ZFP1: variants seen among roughly 807,000 people sequenced by gnomAD.
The protein encoded by ZFP1 is zinc finger protein 1 homolog.
A neutral mutation model predicts 38.5 loss-of-function variants in ZFP1; 32 were observed. The ratio of observed to expected loss-of-function variants is 0.83; its 90% CI spans 0.63 to 1.12. The LOEUF (loss-of-function observed/expected upper bound fraction) is 1.12, where lower values mean the gene tolerates loss of function less well. Among genes scored for constraint, ZFP1 ranks in the 50% most tolerant of loss-of-function variants. The pLI is 0.00. For missense variants in ZFP1, 616 were observed against 480.8 expected (o/e 1.28, Z -2.63); for synonymous variants, 245 against 168.8 (o/e 1.45, Z -3.50).
chr16:75,129,002 C>G, the ZFP1 span, among the ~76,000 whole-genome samples: 8 of 152,058 alleles, frequency 5.3e-5, no homozygotes. Context: ...GTTGGTCAGG[C>G]TGGTCTCAAA....
At chr16:75,158,416 G>A (rs964334454) in intron 2 of ZFP1, among the ~76,000 whole-genome samples, 4 of 151,764 alleles carry the variant, frequency 2.6e-5, no homozygotes, top group African/African-American at 9.7e-5. Context: ...GAGTGAAGTG[G>A]TGTGATCTTG....
At chr16:75,142,762 G>C in the ZFP1 span, among the ~76,000 whole-genome samples, 4 of 152,156 alleles carry the variant, frequency 2.6e-5, no homozygotes, top group African/African-American at 9.7e-5. Context: ...GAGTGCAGTG[G>C]TGCGATCTCA....
At chr16:75,163,671 G>A (rs2037909021) in intron 2 of ZFP1, among the ~76,000 whole-genome samples, 1 of 151,588 alleles carries the variant, frequency 6.6e-6, no homozygotes. Flanking sequence ...AAGTGCAGTG[G>A]CATGATCACG....
chr16:75,161,479 A>G (rs758261554), intron 2 of ZFP1, among the ~76,000 whole-genome samples: 4 of 151,280 alleles, frequency 2.6e-5, no homozygotes, highest in Non-Finnish European at 5.9e-5. Context: ...CCCTACAGTG[A>G]TTGCTCTCCT....
chr16:75,169,747 G>A lies in ZFP1; in HGVS notation c.637G>A (p.Glu213Lys). 1.9e-6 allele frequency: 3 copies of A among 1,613,256 alleles called. No homozygotes were observed. Among genetic ancestry groups the A allele is most frequent in the Non-Finnish European group, 1.7e-6 (2 of 1,179,674 alleles). Residue 213 changes from glutamate (E) to lysine (K), a missense_variant, in exon 4 of 4, where the codon GAA (glutamate) becomes AAA (lysine). By Grantham distance (56) the Glu-to-Lys change is moderately conservative. Coordinates refer to ENST00000570010, the MANE Select transcript of ZFP1 (RefSeq NM_153688.4). Reference sequence around the variant, plus strand: ...AATACATACTGGAGAAAAGCCATATGAATGCAATGTATGTAAGAAAACCTT... The same window carrying A: ...AATACATACTGGAGAAAAGCCATATAAATGCAATGTATGTAAGAAAACCTT... Reference protein sequence around the residue: ...KRIHTGEKPYECNVCKKTFSH... With the variant: ...KRIHTGEKPYKCNVCKKTFSH...
intron 3 of ZFP1, among the ~76,000 whole-genome samples, chr16:75,167,754 T>C (rs1009696947): frequency 1.3e-5 from 2 of 150,304 alleles, no homozygotes; most frequent in African/African-American, 4.9e-5. Flanking sequence ...CACACCACCA[T>C]GTCCTGCTAA....
chr16:75,137,530 G>T, the ZFP1 span, among the ~76,000 whole-genome samples: 1 of 130,560 alleles, frequency 7.7e-6, no homozygotes, highest in Non-Finnish European at 1.5e-5. Context: ...GCGCGATCTT[G>T]GCTCACTGCA....
At chr16:75,151,179 C>CTT (rs113479963) in intron 1 of ZFP1, among the ~76,000 whole-genome samples, 59 of 145,896 alleles carry the variant, frequency 4.0e-4, no homozygotes, top group African/African-American at 1.4e-3. Flanking sequence ...ATTCTTTTAT[C>CTT]TTTTTTTTTT....
rs551480150 is a variant in ZFP1 at position 75,169,656 on chromosome 16, A to G, written c.546A>G (p.Gln182=). Reference sequence around the variant, plus strand: ...ATCAGAAAATAAAAAACTTGGTTCAACCTTTCATTTGTACTTACTGTGACA... The same window carrying G: ...ATCAGAAAATAAAAAACTTGGTTCAGCCTTTCATTTGTACTTACTGTGACA... ...FKHQKIKNLV[Q]PFICTYCDKA... Residue 182 remains glutamine, a synonymous_variant, in exon 4 of 4, where the codon CAA becomes CAG. Coordinates refer to ENST00000570010, the MANE Select transcript of ZFP1 (RefSeq NM_153688.4). The G allele has an allele frequency of 1.1e-5, 18 of 1,601,218 alleles. No individual in the cohort carries two copies. The highest frequency in any genetic ancestry group is 5.6e-5 in the South Asian group (5 of 88,726).
At chr16:75,163,805 C>G (rs2037918060) in intron 2 of ZFP1, among the ~76,000 whole-genome samples, 1 of 151,394 alleles carries the variant, frequency 6.6e-6, no homozygotes, top group Non-Finnish European at 1.5e-5. Flanking sequence ...GAGACAGGGT[C>G]TTGCCATGTT....
upstream of ZFP1, among the ~76,000 whole-genome samples, chr16:75,146,068 G>C (rs139418428): frequency 2.9e-4 from 44 of 152,290 alleles, no homozygotes; most frequent in African/African-American, 1.0e-3. Context: ...CACAGTGGCT[G>C]AGTAAGCTAG....
At chr16:75,130,008 T>G in the ZFP1 span, among the ~76,000 whole-genome samples, 1 of 151,824 alleles carries the variant, frequency 6.6e-6, no homozygotes, top group Non-Finnish European at 1.5e-5. Flanking sequence ...TTGTTTTTTG[T>G]TTTTTTTCAG....
chr16:75,149,824 G>T (rs1441501864), intron 1 of ZFP1, among the ~76,000 whole-genome samples: 2 of 151,814 alleles, frequency 1.3e-5, no homozygotes, highest in African/African-American at 2.4e-5. Flanking sequence ...TGTTGTTTTT[G>T]AGACTGAGTC....
chr16:75,150,931 C>G (rs921378899), intron 1 of ZFP1, among the ~76,000 whole-genome samples: 19 of 152,200 alleles, frequency 1.2e-4, no homozygotes, highest in Admixed American at 2.6e-4. Context: ...CTCAGCCTCC[C>G]GAGTAGCTAG....
At chr16:75,161,762 A>ATATATATATATATATATG (rs2037792048) in intron 2 of ZFP1, among the ~76,000 whole-genome samples, 1 of 9,006 alleles carries the variant, frequency 1.1e-4, no homozygotes, top group South Asian at 3.1e-3. Context: ...TATGAAATAT[A>ATATATATATATATATATG]TATATATATA....
intron 2 of ZFP1, among the ~76,000 whole-genome samples, chr16:75,155,445 GT>G (rs1025025595): frequency 6.6e-6 from 1 of 152,118 alleles, no homozygotes; most frequent in Admixed American, 6.5e-5. Context: ...CCAATTATGT[GT>G]TTTTTAAATC....
At chr16:75,167,007 C>G in intron 3 of ZFP1, 111 bp downstream of exon 3, 1 of 1,514,170 alleles carries the variant, frequency 6.6e-7, no homozygotes, top group Non-Finnish European at 8.8e-7. Flanking sequence ...CCTAAGTCCT[C>G]AGGTATTAAA....
the ZFP1 span, among the ~76,000 whole-genome samples, chr16:75,140,268 CAA>C: frequency 1.6e-4 from 23 of 145,588 alleles, no homozygotes; most frequent in Admixed American, 2.1e-4. Context: ...AACTCCATCT[CAA>C]AAAAAAAAAA....
intron 1 of ZFP1, among the ~76,000 whole-genome samples, chr16:75,150,851 G>A (rs2037164381): frequency 6.6e-6 from 1 of 152,146 alleles, no homozygotes; most frequent in Non-Finnish European, 1.5e-5. Flanking sequence ...TTGAGACAGG[G>A]TCTGTCTCTG....
Sources: allele counts gnomAD v4.1 joint callset (sites outside exome capture counted in the v4.1 genomes callset), GRCh38; gene constraint gnomAD v4.1.1; transcripts MANE v1.5; gene names NCBI Gene and HGNC (gene_info 2026-07-23, HGNC 2026-07-21).